The following MUCL1 variants were observed in gnomAD, a reference collection of about 807,000 sequenced individuals.
The protein encoded by MUCL1 is mucin-like protein 1.
Under a neutral mutation model 9.2 loss-of-function variants are expected in MUCL1, and 11 were observed. That is an observed-to-expected ratio of 1.19 (90% CI 0.75 to 1.97). The LOEUF (loss-of-function observed/expected upper bound fraction) is 1.97, where lower values mean the gene tolerates loss of function less well. MUCL1 is among the 30% of genes most tolerant of loss of function. MUCL1 has a pLI of 0.00. For missense variants in MUCL1, 144 were observed against 110.9 expected (o/e 1.30, Z -1.34); for synonymous variants, 48 against 40.5 (o/e 1.19, Z -0.71).
rs181447132 is a variant in MUCL1, at chr12:54,833,664, C to T, written n.357+2789C>T. On this transcript the variant is annotated intron_variant and non_coding_transcript_variant, in intron 1 of 3. Transcript: ENST00000547990. The stretch of plus-strand genomic sequence containing the variant: ...CCATAAAAAATGATGAGTTCATGTC[C>T]TTTATAGGGACATGGATGAAGCTGG... Among the ~76,000 whole-genome samples the T allele has an allele frequency of 2.2e-4, 33 of 152,066 alleles. No homozygotes were observed. In the East Asian group the frequency reaches 5.8e-3, roughly 27 times the overall value.
chr12:54,844,120 C>T (rs1298173119), intron 1 of MUCL1, among the ~76,000 whole-genome samples: 1 of 152,044 alleles, frequency 6.6e-6, no homozygotes, highest in African/African-American at 2.4e-5. Context: ...ATACTGGTGT[C>T]ATCAAATTAT....
upstream of MUCL1, among the ~76,000 whole-genome samples, chr12:54,849,705 C>T (rs1448748300): frequency 6.6e-6 from 1 of 151,812 alleles, no homozygotes; most frequent in Non-Finnish European, 1.5e-5. Context: ...ATAACATGCC[C>T]TATATATAAT....
At chr12:54,846,787 A>G (rs1246615234) in intron 1 of MUCL1, among the ~76,000 whole-genome samples, 1 of 137,440 alleles carries the variant, frequency 7.3e-6, no homozygotes, top group Non-Finnish European at 1.6e-5. Flanking sequence ...TGTGAGGTTT[A>G]TTAGGGTAAC....
exon 1 of MUCL1, chr12:54,839,432 G>A (rs1212472462): frequency 1.4e-6 from 1 of 702,062 alleles, no homozygotes; most frequent in Non-Finnish European, 2.6e-6. Context: ...GTATCAACTG[G>A]CAGTGACTAA....
chr12:54,838,178 C>T (rs916148265), upstream of MUCL1, among the ~76,000 whole-genome samples: 3 of 152,186 alleles, frequency 2.0e-5, no homozygotes, highest in African/African-American at 7.2e-5. Flanking sequence ...TATTTCTCTC[C>T]ATTTATAAAA....
chr12:54,836,907 A>G (rs1177400498), upstream of MUCL1, among the ~76,000 whole-genome samples: 1 of 151,978 alleles, frequency 6.6e-6, no homozygotes, highest in East Asian at 1.9e-4. Flanking sequence ...TTCTTTTTGG[A>G]GTTTATTTTT....
At chr12:54,846,196 C>G (rs1007033091) in intron 1 of MUCL1, among the ~76,000 whole-genome samples, 1 of 152,140 alleles carries the variant, frequency 6.6e-6, no homozygotes, top group Non-Finnish European at 1.5e-5. Flanking sequence ...TAACACAAGC[C>G]GTCTGCAGAT....
At chr12:54,850,725 G>T (rs985199045), upstream of MUCL1, among the ~76,000 whole-genome samples, 1 of 152,170 alleles carries the variant, frequency 6.6e-6, no homozygotes, top group Non-Finnish European at 1.5e-5. Context: ...GATCCTTGAG[G>T]AATTGCCACA....
upstream of MUCL1, chr12:54,854,413 TGTGTCCCAAC>T (rs968371571): frequency 8.7e-6 from 5 of 572,078 alleles, no homozygotes; most frequent in Non-Finnish European, 1.5e-5. Flanking sequence ...TCCAGTGGTT[TGTGTCCCAAC>T]GTTTCCTGGC....
At chr12:54,842,421 C>T (rs1959216779) in intron 1 of MUCL1, among the ~76,000 whole-genome samples, 1 of 152,058 alleles carries the variant, frequency 6.6e-6, no homozygotes, top group African/African-American at 2.4e-5. Flanking sequence ...TCATGTACAA[C>T]ATGTTTTGAA....
upstream of MUCL1, among the ~76,000 whole-genome samples, chr12:54,836,141 T>C (rs1959192768): frequency 6.6e-6 from 1 of 152,200 alleles, no homozygotes; most frequent in Admixed American, 6.5e-5. Context: ...CCTTTTGGAA[T>C]AGTTTCAGTA....
intron 1 of MUCL1, among the ~76,000 whole-genome samples, chr12:54,842,259 G>A (rs1378074): frequency 0.52 from 79,443 of 151,500 alleles, 21,280 homozygotes; most frequent in East Asian, 0.86. Context: ...AAATTACATC[G>A]TTAAAAATTC....
upstream of MUCL1, among the ~76,000 whole-genome samples, chr12:54,851,412 T>C (rs547158363): frequency 1.3e-5 from 2 of 152,262 alleles, no homozygotes; most frequent in East Asian, 1.9e-4. Context: ...AAAAACCACA[T>C]GATTATCTCA....
At chr12:54,835,342 A>G (rs1959191225), upstream of MUCL1, among the ~76,000 whole-genome samples, 1 of 152,100 alleles carries the variant, frequency 6.6e-6, no homozygotes. Flanking sequence ...ACTGTTTTCC[A>G]TAGAGGTTGT....
At chr12:54,838,413 T>A (rs747275166), upstream of MUCL1, among the ~76,000 whole-genome samples, 23 of 152,178 alleles carry the variant, frequency 1.5e-4, no homozygotes, top group Admixed American at 3.9e-4. Flanking sequence ...GTCTTGGTAA[T>A]GTCTTTTTGT....
chr12:54,852,989 G>T (rs1050275861), upstream of MUCL1, among the ~76,000 whole-genome samples: 2 of 152,120 alleles, frequency 1.3e-5, no homozygotes, highest in Non-Finnish European at 2.9e-5. Flanking sequence ...ACACTGACTT[G>T]TCTTTCCGAG....
intron 2 of MUCL1, chr12:54,855,521 A>G (rs1392436257): frequency 8.6e-6 from 2 of 231,986 alleles, no homozygotes; most frequent in South Asian, 7.1e-5. Context: ...AAAAGAGACC[A>G]GTGGGTCTCA....
upstream of MUCL1, among the ~76,000 whole-genome samples, chr12:54,837,646 G>A (rs542741073): frequency 2.0e-5 from 3 of 152,240 alleles, no homozygotes; most frequent in East Asian, 1.9e-4. Context: ...GTGGGTGCCC[G>A]TAGTCCCAGC....
exon 1 of MUCL1, chr12:54,839,389 C>T (rs1565774848): frequency 5.7e-6 from 4 of 701,762 alleles, no homozygotes; most frequent in Non-Finnish European, 1.0e-5. Flanking sequence ...TTGAACAGTT[C>T]AGGCTTCTGG....
Sources: gnomAD v4.1 joint callset for allele counts (sites outside exome capture counted in the v4.1 genomes callset) on GRCh38, gnomAD v4.1.1 for gene constraint, MANE v1.5 for transcripts, NCBI Gene and HGNC (gene_info 2026-07-23, HGNC 2026-07-21) for gene names.